Variants in ACTR5 observed in about 807,000 individuals in gnomAD.
ACTR5 encodes the protein actin related protein 5, also known as actin-related protein 5.
Under a neutral mutation model 61.2 loss-of-function variants are expected in ACTR5, and 43 were observed. The ratio of observed to expected loss-of-function variants is 0.70; its 90% CI spans 0.55 to 0.91. The LOEUF (loss-of-function observed/expected upper bound fraction) is 0.91. ACTR5 is among the 40% of genes least tolerant of loss of function. The probability of loss-of-function intolerance (pLI) is 0.00; values close to 1 mark genes in which losing one functional copy is unlikely to be tolerated. For missense variants in ACTR5, 798 were observed against 782.2 expected (o/e 1.02, Z -0.24); for synonymous variants, 333 against 310.5 (o/e 1.07, Z -0.76).
intron 5 of ACTR5, among the ~76,000 whole-genome samples, chr20:38,761,191 G>T (rs990839176): frequency 6.6e-6 from 1 of 152,166 alleles, no homozygotes; most frequent in Non-Finnish European, 1.5e-5. Flanking sequence ...AAAGTGCAGG[G>T]ATTACAGGCA....
At position 38,755,040 on chromosome 20, in the gene ACTR5, A is replaced by G; in HGVS notation, c.859A>G (p.Ser287Gly). 6.2e-7 allele frequency: 1 copy of G among 1,614,282 alleles called. No individual in the cohort carries two copies. ...CCCATTTTCCAGCAAGCTCCTGGGC[A>G]GCACTCTGACCTCTGAGGAGAAACA... is the stretch of plus-strand genomic sequence containing the variant. The part of the protein sequence containing the change: ...QLPFSSKLLG[S>G]TLTSEEKQER... Residue 287 changes from serine to glycine, a missense_variant, in exon 4 of 9, where the codon AGC becomes GGC. Physicochemically the swap from Ser to Gly is moderately conservative, Grantham distance 56. Coordinates refer to ENST00000243903, the MANE Select transcript of ACTR5 (RefSeq NM_024855.4).
intron 3 of ACTR5, among the ~76,000 whole-genome samples, chr20:38,754,367 T>G: frequency 6.6e-6 from 1 of 152,068 alleles, no homozygotes; most frequent in East Asian, 1.9e-4. Context: ...AGGGATTGGA[T>G]GGAGTGTATT....
intron 5 of ACTR5, among the ~76,000 whole-genome samples, chr20:38,762,487 C>T (rs1483969744): frequency 6.6e-6 from 1 of 152,236 alleles, no homozygotes; most frequent in Non-Finnish European, 1.5e-5. Flanking sequence ...CCCTCCACCT[C>T]TGTTTGGGGA....
intron 5 of ACTR5, among the ~76,000 whole-genome samples, chr20:38,757,163 G>A (rs1238588829): frequency 6.6e-6 from 1 of 152,044 alleles, no homozygotes; most frequent in Non-Finnish European, 1.5e-5. Flanking sequence ...CTGGCCTCAA[G>A]TGAACCTCCC....
intron 8 of ACTR5, among the ~76,000 whole-genome samples, chr20:38,767,980 G>A (rs2084498285): frequency 6.6e-6 from 1 of 152,182 alleles, no homozygotes; most frequent in Non-Finnish European, 1.5e-5. Flanking sequence ...AGAAGTGGCT[G>A]AGTGTTGCTG....
In ACTR5 at chr20:38,767,414, G is replaced by A. The variant is rs545647840; in HGVS notation, c.1434-50G>A. The A allele has an allele frequency of 1.8e-5, 27 of 1,505,816 alleles. No homozygotes were observed. In the South Asian group the frequency reaches 2.0e-4, roughly 11 times the overall value. 93.3% of individuals were successfully genotyped at this position (1,505,816 alleles called of 1,614,324 possible). A position where few individuals can be genotyped will look rare whatever the true frequency, so the allele number is the denominator to read the frequency against. ...GCTTACATTTCTGCATCCACATTTC[G>A]TTCTGATATTTGAGTTAAGGGACTA... On this transcript the variant is annotated intron_variant, in intron 7 of 8. Transcript: ENST00000243903.
chr20:38,766,090 T>A, intron 6 of ACTR5, 148 bp from the exon 7 acceptor site: 2 of 807,824 alleles, frequency 2.5e-6, no homozygotes, highest in Non-Finnish European at 1.9e-6. Context: ...GAAATTGAAT[T>A]AGCAGGTCAA....
chr20:38,757,870 A>G (rs2084429817), intron 5 of ACTR5, among the ~76,000 whole-genome samples: 1 of 151,160 alleles, frequency 6.6e-6, no homozygotes, highest in East Asian at 1.9e-4. Flanking sequence ...ACAGCATCCC[A>G]GATCAGCCTC....
intron 1 of ACTR5, among the ~76,000 whole-genome samples, chr20:38,749,604 A>C (rs944207321): frequency 6.6e-6 from 1 of 152,214 alleles, no homozygotes; most frequent in African/African-American, 2.4e-5. Flanking sequence ...TAAAAGGATC[A>C]CTATTACTGC....
At chr20:38,765,541 C>T (rs996452108) in intron 6 of ACTR5, 23 bp downstream of exon 6, 2 of 1,580,252 alleles carry the variant, frequency 1.3e-6, no homozygotes, top group Non-Finnish European at 8.7e-7. Flanking sequence ...CAGCCCAGAA[C>T]ATGCTTATTC....
At position 38,752,233 on chromosome 20, in the gene ACTR5, C is replaced by CA; in HGVS notation, c.709dup (p.Ile237AsnfsTer12). The CA allele has an allele frequency of 6.2e-7, 1 of 1,614,130 alleles. No individual in the cohort carries two copies. The highest frequency in any genetic ancestry group is 2.2e-5 in the East Asian group (1 of 44,882). The stretch of plus-strand genomic sequence containing the variant: ...TGAAGTACCCTGGGCACCTGGCAGC[C>CA]ATCACCCTCAGCCGCATGGAGGAGA... On this transcript the variant is annotated frameshift_variant, in exon 3 of 9. Transcript: ENST00000243903. LOFTEE classifies it high-confidence loss of function.
chr20:38,764,442 C>A (rs2084473409), intron 5 of ACTR5, among the ~76,000 whole-genome samples: 1 of 152,200 alleles, frequency 6.6e-6, no homozygotes, highest in Non-Finnish European at 1.5e-5. Flanking sequence ...CCACCATCCC[C>A]AACTTATTTT....
intron 5 of ACTR5, among the ~76,000 whole-genome samples, 184 bp from the exon 6 acceptor site, chr20:38,765,218 C>T (rs1436875519): frequency 2.0e-5 from 3 of 152,186 alleles, no homozygotes; most frequent in Non-Finnish European, 4.4e-5. Context: ...AAAGCCCGTT[C>T]CTGGCTTTTT....
intron 8 of ACTR5, among the ~76,000 whole-genome samples, chr20:38,769,656 G>A (rs1275323083): frequency 3.3e-5 from 5 of 152,162 alleles, no homozygotes; most frequent in Admixed American, 6.5e-5. Flanking sequence ...CTAGCTGGAT[G>A]AGCGCTCGGT....
intron 8 of ACTR5, 104 bp from the exon 9 acceptor site, chr20:38,771,455 G>A: frequency 1.4e-6 from 2 of 1,477,872 alleles, no homozygotes; most frequent in South Asian, 2.6e-5. Context: ...GCCCACCTAT[G>A]TGTATATTTC....
At position 38,755,049 on chromosome 20, in the gene ACTR5, A is replaced by T. The variant is rs2084411325; in HGVS notation, c.868A>T (p.Thr290Ser). The change falls in exon 4 of 9, where the codon ACC becomes TCC. Residue 290 changes from threonine to serine, a missense_variant. Thr to Ser is a moderately conservative substitution (Grantham distance 58, BLOSUM62 1). Transcript: ENST00000243903. Reference protein sequence around the residue: ...FSSKLLGSTLTSEEKQERRQQ... With the variant: ...FSSKLLGSTLSSEEKQERRQQ... ...CAGCAAGCTCCTGGGCAGCACTCTG[A>T]CCTCTGAGGAGAAACAAGAAAGGCG... is the stretch of plus-strand genomic sequence containing the variant. 2.5e-6 allele frequency: 4 copies of T among 1,614,088 alleles called. No individual in the cohort carries two copies. The African/African-American group carries it at 4.0e-5, about 16-fold the overall frequency.
At chr20:38,765,330 T>C (rs2084479564) in intron 5 of ACTR5, 72 bp from the exon 6 acceptor site, 2 of 1,049,214 alleles carry the variant, frequency 1.9e-6, no homozygotes, top group Non-Finnish European at 1.5e-6. Flanking sequence ...AGTTCTTTTT[T>C]GTGGCACTAA....
At chr20:38,765,634 C>G in intron 6 of ACTR5, 116 bp downstream of exon 6, 2 of 819,072 alleles carry the variant, frequency 2.4e-6, no homozygotes, top group South Asian at 3.5e-5. Flanking sequence ...AATTGGGTAC[C>G]AATACTTAAA....
chr20:38,755,772 G>A (rs916848821), intron 4 of ACTR5, 85 bp from the exon 5 acceptor site: 9 of 1,496,470 alleles, frequency 6.0e-6, no homozygotes, highest in Middle Eastern at 2.0e-4. Flanking sequence ...GGCCAGGGGA[G>A]CTCTGGAAGC....
Sources: gnomAD v4.1 joint callset for allele counts (sites outside exome capture counted in the v4.1 genomes callset) on GRCh38, gnomAD v4.1.1 for gene constraint, MANE v1.5 for transcripts, NCBI Gene and HGNC (gene_info 2026-07-23, HGNC 2026-07-21) for gene names.